NAV2: variants seen among roughly 807,000 people sequenced by gnomAD.
NAV2 encodes helicase, APC down-regulated 1.
Under a neutral mutation model 223.2 loss-of-function variants are expected in NAV2, and 54 were observed. That is an observed-to-expected ratio of 0.24 (90% CI 0.19 to 0.30). The LOEUF is 0.30. Ranked by LOEUF, NAV2 falls within the 10% of genes least tolerant of loss-of-function variation. The pLI is 1.00. For missense variants in NAV2, 2,806 were observed against 3,147.5 expected, an observed-to-expected ratio of 0.89 and a Z score of 2.60; for synonymous variants, 1,279 against 1,239.3, an observed-to-expected ratio of 1.03 and a Z score of -0.67.
chr11:19,805,916 C>T (rs959761325), intron 1 of NAV2, among the ~76,000 whole-genome samples: 6 of 152,186 alleles, frequency 3.9e-5, no homozygotes, highest in Non-Finnish European at 4.4e-5. Flanking sequence ...GAATTCAAAC[C>T]GACTTCTGCC....
intron 11 of NAV2, chr11:20,022,814 G>T: frequency 1.6e-6 from 2 of 1,255,666 alleles, no homozygotes; most frequent in Non-Finnish European, 2.0e-6. Flanking sequence ...TTCAGAGTTT[G>T]GTGTTAGCTT....
chr11:19,516,386 C>T (rs561448981), intron 1 of NAV2, among the ~76,000 whole-genome samples: 5 of 152,192 alleles, frequency 3.3e-5, no homozygotes, highest in Non-Finnish European at 7.3e-5. Context: ...ACTAACAACA[C>T]CGTGGGCGGG....
intron 1 of NAV2, among the ~76,000 whole-genome samples, chr11:19,585,410 A>G (rs1334466363): frequency 6.6e-6 from 1 of 152,132 alleles, no homozygotes; most frequent in Non-Finnish European, 1.5e-5. Context: ...TGTGAATTTG[A>G]TCCTGTCATT....
chr11:19,479,682 T>C (rs1258803669), intron 1 of NAV2, among the ~76,000 whole-genome samples: 2 of 152,218 alleles, frequency 1.3e-5, no homozygotes, highest in African/African-American at 4.8e-5. Flanking sequence ...ATTCATCAAA[T>C]ACTGTAATCA....
chr11:19,490,040 A>G (rs11604718), intron 1 of NAV2, among the ~76,000 whole-genome samples: 64,654 of 152,092 alleles, frequency 0.43, 14,033 homozygotes, highest in East Asian at 0.54. Context: ...TATTTATGCT[A>G]TATTATAGTC....
chr11:19,720,787 ACTGGAAATGAC>A, intron 1 of NAV2, among the ~76,000 whole-genome samples: 1 of 152,352 alleles, frequency 6.6e-6, no homozygotes, highest in South Asian at 2.1e-4. Flanking sequence ...CCTGAAGAGA[ACTGGAAATGAC>A]CACTCTAGGA....
intron 11 of NAV2, among the ~76,000 whole-genome samples, chr11:19,994,987 T>G (rs2051724316): frequency 6.6e-6 from 1 of 152,224 alleles, no homozygotes; most frequent in Non-Finnish European, 1.5e-5. Context: ...AAGCATGAAC[T>G]CTAAGTAACT....
chr11:19,585,763 G>A (rs182207858), intron 1 of NAV2, among the ~76,000 whole-genome samples: 1 of 152,288 alleles, frequency 6.6e-6, no homozygotes, highest in East Asian at 1.9e-4. Flanking sequence ...TTAGTCTGAT[G>A]GGCTTCCCTT....
intron 1 of NAV2, among the ~76,000 whole-genome samples, chr11:19,399,746 G>A (rs1590127239): frequency 6.6e-6 from 1 of 152,368 alleles, no homozygotes; most frequent in East Asian, 1.9e-4. Flanking sequence ...AGGGCCAGTG[G>A]TGAAGCTGAG....
intron 1 of NAV2, among the ~76,000 whole-genome samples, chr11:19,790,821 A>G (rs989640437): frequency 5.9e-5 from 9 of 152,064 alleles, no homozygotes; most frequent in Non-Finnish European, 1.0e-4. Flanking sequence ...AAAGGGGGGA[A>G]TATTAGGGCT....
At chr11:20,057,545 A>G (rs1049415213) in intron 19 of NAV2, among the ~76,000 whole-genome samples, 1 of 152,168 alleles carries the variant, frequency 6.6e-6, no homozygotes, top group African/African-American at 2.4e-5. Context: ...TAGAGAATAT[A>G]TTGTGATCCT....
At chr11:19,935,029 TCA>T (rs2045721817) in intron 7 of NAV2, among the ~76,000 whole-genome samples, 1 of 152,154 alleles carries the variant, frequency 6.6e-6, no homozygotes, top group Non-Finnish European at 1.5e-5. Context: ...TGCTCATTGC[TCA>T]GGCTACACCA....
intron 1 of NAV2, among the ~76,000 whole-genome samples, chr11:19,641,523 T>C (rs1405090005): frequency 6.6e-6 from 1 of 152,090 alleles, no homozygotes; most frequent in African/African-American, 2.4e-5. Context: ...TTCCTCACTG[T>C]GACCTGCCAG....
At chr11:19,982,983 A>G (rs188134879) in intron 10 of NAV2, among the ~76,000 whole-genome samples, 1 of 152,278 alleles carries the variant, frequency 6.6e-6, no homozygotes, top group East Asian at 1.9e-4. Context: ...ATAATGACTC[A>G]TTGGTCCTCT....
intron 36 of NAV2, among the ~76,000 whole-genome samples, chr11:20,108,606 CTTT>C (rs5790107): frequency 2.4e-4 from 29 of 121,724 alleles, no homozygotes; most frequent in Admixed American, 2.4e-4. Context: ...CCACACCTGG[CTTT>C]TTTTTTTTTT....
chr11:19,394,258 A>G (rs1327855819), intron 1 of NAV2, among the ~76,000 whole-genome samples: 1 of 152,030 alleles, frequency 6.6e-6, no homozygotes, highest in Non-Finnish European at 1.5e-5. Flanking sequence ...GAAAGAGGGT[A>G]TTTCCCAGTT....
chr11:20,029,288 G>T (rs1454784153), intron 11 of NAV2, among the ~76,000 whole-genome samples: 1 of 152,212 alleles, frequency 6.6e-6, no homozygotes, highest in Non-Finnish European at 1.5e-5. Context: ...CTCACGGGTG[G>T]TAGTTCTGTG....
In NAV2 at chr11:19,906,533, C is replaced by G. The variant is rs17611153; in HGVS notation, c.931+13939C>G. On this transcript the variant is annotated intron_variant, in intron 6 of 37. Transcript: ENST00000349880. ...ATTTCAGTTGTCAAGGTAATAGTCT[C>G]TTTCCACTGTAGTTGCATGAAAATG... 5.2e-3 allele frequency among the ~76,000 whole-genome samples: 793 copies of G among 152,292 alleles called. 7 individuals are homozygous for G. Among genetic ancestry groups the G allele is most frequent in the African/African-American group, 0.018 (755 of 41,552 alleles).
intron 1 of NAV2, among the ~76,000 whole-genome samples, chr11:19,784,950 G>T (rs1372496988): frequency 6.6e-6 from 1 of 152,124 alleles, no homozygotes; most frequent in Non-Finnish European, 1.5e-5. Flanking sequence ...GCCTGGGAAG[G>T]GGTTGAGGAT....
Sources: gnomAD v4.1 joint callset for allele counts (sites outside exome capture counted in the v4.1 genomes callset) on GRCh38, gnomAD v4.1.1 for gene constraint, MANE v1.5 for transcripts, NCBI Gene and HGNC (gene_info 2026-07-23, HGNC 2026-07-21) for gene names.